LRP1B: variants seen among roughly 807,000 people sequenced by gnomAD.
LRP1B encodes LDL receptor related protein 1B.
LRP1B carries 217 observed loss-of-function variants against 556.6 expected under a neutral mutation model. That is an observed-to-expected ratio of 0.39 (90% CI 0.35 to 0.44). The LOEUF is 0.44. Among genes scored for constraint, LRP1B ranks in the 20% least tolerant of loss-of-function variants. The probability of loss-of-function intolerance (pLI) is 1.00; values close to 1 mark genes in which losing one functional copy is unlikely to be tolerated. For missense variants in LRP1B, 5,053 were observed against 5,620.8 expected (o/e 0.90, Z 3.23); for synonymous variants, 2,047 against 1,865.8 (o/e 1.10, Z -2.50).
At chr2:142,115,162 G>C (rs1707140462) in intron 1 of LRP1B, among the ~76,000 whole-genome samples, 1 of 151,836 alleles carries the variant, frequency 6.6e-6, no homozygotes, top group African/African-American at 2.4e-5. Flanking sequence ...ATACTTAAGA[G>C]AGTGCATTCA....
At chr2:140,328,733 T>A (rs1296099683) in intron 79 of LRP1B, among the ~76,000 whole-genome samples, 3 of 152,086 alleles carry the variant, frequency 2.0e-5, no homozygotes, top group Non-Finnish European at 4.4e-5. Flanking sequence ...AAATTTATTT[T>A]AAAAAATTGT....
intron 2 of LRP1B, among the ~76,000 whole-genome samples, chr2:141,599,862 C>G (rs1180067263): frequency 6.6e-6 from 1 of 152,120 alleles, no homozygotes; most frequent in Non-Finnish European, 1.5e-5. Flanking sequence ...CTACACATGT[C>G]CCCACACTGT....
chr2:141,250,599 G>GA (rs1684224347), intron 4 of LRP1B, among the ~76,000 whole-genome samples: 2 of 151,878 alleles, frequency 1.3e-5, no homozygotes, highest in African/African-American at 4.8e-5. Context: ...TTCTGTGAGT[G>GA]GTTATAGTGA....
At chr2:141,010,974 G>GTC (rs1307805648) in intron 14 of LRP1B, among the ~76,000 whole-genome samples, 3 of 150,196 alleles carry the variant, frequency 2.0e-5, no homozygotes, top group Admixed American at 1.3e-4. Context: ...GTGTGTGTGT[G>GTC]TGTGTGTATT....
rs186385394 is a variant in LRP1B at position 141,206,235 on chromosome 2, T to C, written c.851-17652A>G. On this transcript the variant is annotated intron_variant, in intron 6 of 90. Coordinates refer to ENST00000389484, the MANE Select transcript of LRP1B (RefSeq NM_018557.3). ...AGACGACAAAACATAGTAACAACCA[T>C]TTCCTATGCTGGTTTTACTGTCCTC... Among the ~76,000 whole-genome samples, 319 of 152,160 alleles carry C rather than the reference T, an allele frequency of 2.1e-3. 1 individual carries two copies. Among genetic ancestry groups the C allele is most frequent in the Middle Eastern group, 6.8e-3 (2 of 294 alleles).
intron 7 of LRP1B, among the ~76,000 whole-genome samples, chr2:141,070,593 T>G (rs1260745076): frequency 6.6e-6 from 1 of 151,654 alleles, no homozygotes; most frequent in African/African-American, 2.4e-5. Context: ...ATCAACAAAA[T>G]TGATAGACCA....
In LRP1B at chr2:141,049,333, A is replaced by C. The variant is rs1698970549; in HGVS notation, c.1553-111T>G. On this transcript the variant is annotated intron_variant, in intron 10 of 90. Coordinates refer to ENST00000389484, the MANE Select transcript of LRP1B (RefSeq NM_018557.3). ...TTAGCGTTTTTTAAATTCAATGCTA[A>C]AAATTAAACTCTAAAATATGCCAAA... 5 of 721,432 alleles carry C rather than the reference A, an allele frequency of 6.9e-6. No homozygotes were observed. The Admixed American group carries it at 9.2e-5, about 13-fold the overall frequency. 44.7% of individuals were successfully genotyped at this position (721,432 alleles called of 1,614,324 possible).
chr2:140,664,239 ATGT>A (rs2105345729), intron 41 of LRP1B, among the ~76,000 whole-genome samples: 1 of 152,304 alleles, frequency 6.6e-6, no homozygotes, highest in African/African-American at 2.4e-5. Flanking sequence ...AAGTGAGCAC[ATGT>A]TATTGGAAAA....
chr2:140,898,108 T>C (rs879081958), intron 23 of LRP1B, among the ~76,000 whole-genome samples: 2 of 152,090 alleles, frequency 1.3e-5, no homozygotes, highest in Admixed American at 1.3e-4. Flanking sequence ...CCAGAGAAGT[T>C]CAGAAGAATC....
chr2:140,617,056 G>T (rs1300475698), intron 41 of LRP1B, among the ~76,000 whole-genome samples: 1 of 151,906 alleles, frequency 6.6e-6, no homozygotes, highest in Non-Finnish European at 1.5e-5. Flanking sequence ...GGGGACTCGG[G>T]TGTCACAAAA....
intron 2 of LRP1B, among the ~76,000 whole-genome samples, chr2:141,765,150 G>C (rs1285402515): frequency 6.6e-6 from 1 of 152,098 alleles, no homozygotes; most frequent in Non-Finnish European, 1.5e-5. Flanking sequence ...TTCTTCACAA[G>C]TGGCAAAAAT....
chr2:140,348,868 A>G (rs1161343782), intron 77 of LRP1B, among the ~76,000 whole-genome samples: 1 of 152,106 alleles, frequency 6.6e-6, no homozygotes, highest in Non-Finnish European at 1.5e-5. Context: ...TCTGTTCACT[A>G]GAACAGCGGT....
At chr2:140,714,941 G>A (rs1687157806) in intron 37 of LRP1B, among the ~76,000 whole-genome samples, 1 of 152,012 alleles carries the variant, frequency 6.6e-6, no homozygotes, top group African/African-American at 2.4e-5. Context: ...TGCTTATGGG[G>A]CCATACAACA....
At chr2:141,500,849 C>G (rs1195044353) in intron 2 of LRP1B, among the ~76,000 whole-genome samples, 2 of 152,074 alleles carry the variant, frequency 1.3e-5, no homozygotes, top group Non-Finnish European at 2.9e-5. Flanking sequence ...GGCAACTCCT[C>G]TATTGCTTTA....
chr2:141,517,016 A>C (rs1349305729), intron 2 of LRP1B, among the ~76,000 whole-genome samples: 1 of 125,310 alleles, frequency 8.0e-6, no homozygotes, highest in Admixed American at 8.8e-5. Flanking sequence ...AAAAAAAAAA[A>C]AAAAAAAAAA....
chr2:141,087,446 T>G (rs1700074527), intron 7 of LRP1B, among the ~76,000 whole-genome samples: 1 of 152,158 alleles, frequency 6.6e-6, no homozygotes, highest in Non-Finnish European at 1.5e-5. Context: ...GTGCAAAATT[T>G]ACAAGCATTT....
At position 140,950,318 on chromosome 2, in the gene LRP1B, C is replaced by T. The variant is rs776854542; in HGVS notation, c.3053G>A (p.Cys1018Tyr). 1 of 1,612,840 alleles carries T rather than the reference C, an allele frequency of 6.2e-7. No homozygotes were observed. The highest frequency in any genetic ancestry group is 1.1e-5 in the South Asian group (1 of 90,942). The change falls in exon 20 of 91, where the codon TGC becomes TAC. Residue 1018 changes from cysteine (C) to tyrosine (Y), a missense_variant. Physicochemically the swap from Cys to Tyr is radical, Grantham distance 194. This residue lies in a region of LRP1B where 3,619 missense variants were observed against 3,931.9 expected (regional missense o/e 0.92). Transcript: ENST00000389484. The stretch of plus-strand genomic sequence containing the variant: ...ATCACAGGCCCAGTGGCCTGGGATG[C>T]ATCTGCCACTGGAACATCTGAACTG... ...DNQFRCSSGR[C>Y]IPGHWACDGD...
intron 2 of LRP1B, among the ~76,000 whole-genome samples, chr2:141,742,629 G>A (rs1260811681): frequency 1.3e-5 from 2 of 151,986 alleles, no homozygotes; most frequent in East Asian, 3.9e-4. Context: ...ATACATTTTA[G>A]GATTTTTTTT....
chr2:141,288,651 C>T (rs1198089275), intron 3 of LRP1B, among the ~76,000 whole-genome samples: 1 of 152,050 alleles, frequency 6.6e-6, no homozygotes, highest in Non-Finnish European at 1.5e-5. Flanking sequence ...CTAAACTGTC[C>T]AGACACATTT....
Sources: gnomAD v4.1 joint callset for allele counts (sites outside exome capture counted in the v4.1 genomes callset) on GRCh38, gnomAD v4.1.1 for gene constraint, gnomAD v4.1.1 regional missense constraint, MANE v1.5 for transcripts, NCBI Gene and HGNC (gene_info 2026-07-23, HGNC 2026-07-21) for gene names.